FOXP1: variants seen among roughly 807,000 people sequenced by gnomAD.
The protein encoded by FOXP1 is forkhead box P1.
FOXP1 carries 15 observed loss-of-function variants against 98.2 expected under a neutral mutation model. The observed-to-expected ratio is 0.15, with a 90% CI of 0.10 to 0.24. The LOEUF (loss-of-function observed/expected upper bound fraction) is 0.24. Among genes scored for constraint, FOXP1 ranks in the 10% least tolerant of loss-of-function variants. The pLI, the probability that FOXP1 is intolerant of heterozygous loss-of-function variation, is 1.00. For missense variants in FOXP1, 633 were observed against 848.5 expected, an observed-to-expected ratio of 0.75 and a Z score of 3.15; for synonymous variants, 371 against 314.5, an observed-to-expected ratio of 1.18 and a Z score of -1.90.
At chr3:71,268,358 TG>T (rs768875799) in intron 5 of FOXP1, among the ~76,000 whole-genome samples, 1 of 151,978 alleles carries the variant, frequency 6.6e-6, no homozygotes, top group African/African-American at 2.4e-5. Flanking sequence ...TATTCCAAAA[TG>T]CTTGAGAACT....
intron 10 of FOXP1, among the ~76,000 whole-genome samples, chr3:71,043,186 T>C (rs2048580591): frequency 1.3e-5 from 2 of 152,340 alleles, no homozygotes; most frequent in South Asian, 2.1e-4. Flanking sequence ...CTTCAAATGA[T>C]ACATTAAGTG....
chr3:71,313,050 T>C (rs2074805149), intron 4 of FOXP1, among the ~76,000 whole-genome samples: 1 of 145,432 alleles, frequency 6.9e-6, no homozygotes, highest in Non-Finnish European at 1.5e-5. Context: ...ACAATGAAAC[T>C]TTAATTCTTT....
At chr3:71,154,542 C>T (rs993751314) in intron 6 of FOXP1, among the ~76,000 whole-genome samples, 1 of 152,174 alleles carries the variant, frequency 6.6e-6, no homozygotes, top group African/African-American at 2.4e-5. Context: ...TGTTAGTATT[C>T]ATTCACTGTT....
chr3:71,501,300 T>TTC (rs2041334429), intron 2 of FOXP1, among the ~76,000 whole-genome samples: 1 of 149,596 alleles, frequency 6.7e-6, no homozygotes, highest in African/African-American at 2.5e-5. Flanking sequence ...TTTCTTTTTT[T>TTC]TTTTTTTTTT....
At chr3:71,150,149 C>A (rs2060498144) in intron 6 of FOXP1, among the ~76,000 whole-genome samples, 1 of 152,216 alleles carries the variant, frequency 6.6e-6, no homozygotes, top group Admixed American at 6.5e-5. Context: ...TCTCTCCCCA[C>A]CCAATTTCCA....
intron 3 of FOXP1, among the ~76,000 whole-genome samples, chr3:71,390,597 G>A (rs533690109): frequency 1.3e-5 from 2 of 151,384 alleles, no homozygotes; most frequent in Admixed American, 1.3e-4. Flanking sequence ...GGTTGGGGGG[G>A]GCAGTCAAGA....
intron 3 of FOXP1, among the ~76,000 whole-genome samples, chr3:71,484,652 G>C (rs144038772): frequency 1.7e-3 from 259 of 152,252 alleles, no homozygotes; most frequent in Non-Finnish European, 3.2e-3. Context: ...GTTGTGACAT[G>C]GTCGGGGTTA....
intron 5 of FOXP1, among the ~76,000 whole-genome samples, chr3:71,225,507 AT>A (rs2065762931): frequency 7.9e-6 from 1 of 127,220 alleles, no homozygotes; most frequent in South Asian, 2.9e-4. Context: ...GTTTATAATT[AT>A]GACGAGGAAG....
chr3:71,389,224 A>G (rs1011211700), intron 3 of FOXP1, among the ~76,000 whole-genome samples: 7 of 65,400 alleles, frequency 1.1e-4, no homozygotes, highest in Non-Finnish European at 1.4e-4. Context: ...TCCATATGCT[A>G]TATCTGTAAG....
At chr3:71,378,093 GAAACAAAAAA>G (rs2079858975) in intron 3 of FOXP1, among the ~76,000 whole-genome samples, 2 of 18,616 alleles carry the variant, frequency 1.1e-4, no homozygotes, top group Admixed American at 8.6e-4. Context: ...TACAGGCCAA[GAAACAAAAAA>G]AAAAAAAAAA....
chr3:71,402,561 A>G (rs1419170473), intron 3 of FOXP1, among the ~76,000 whole-genome samples: 1 of 152,268 alleles, frequency 6.6e-6, no homozygotes, highest in Non-Finnish European at 1.5e-5. Flanking sequence ...TGAGATCTAT[A>G]CATGTCAACA....
intron 2 of FOXP1, among the ~76,000 whole-genome samples, chr3:71,580,502 A>T (rs996129001): frequency 2.0e-5 from 3 of 152,198 alleles, no homozygotes; most frequent in African/African-American, 7.2e-5. Flanking sequence ...ACTCCAGTGG[A>T]ATTCTAAAAA....
intron 3 of FOXP1, among the ~76,000 whole-genome samples, chr3:71,386,444 G>C (rs575896303): frequency 6.6e-6 from 1 of 152,022 alleles, no homozygotes; most frequent in African/African-American, 2.4e-5. Flanking sequence ...TGTTAACTAC[G>C]CATAATAATA....
intron 2 of FOXP1, among the ~76,000 whole-genome samples, chr3:71,563,704 T>C (rs768659638): frequency 1.2e-4 from 18 of 152,336 alleles, no homozygotes; most frequent in Non-Finnish European, 2.1e-4. Flanking sequence ...TGTAACTCTA[T>C]AAACAGGGTG....
chr3:71,363,964 T>TTC (rs1199564174), intron 3 of FOXP1, among the ~76,000 whole-genome samples: 1 of 152,164 alleles, frequency 6.6e-6, no homozygotes, highest in Non-Finnish European at 1.5e-5. Context: ...CTGGATGGAA[T>TTC]TCGCCTGGGT....
intron 5 of FOXP1, among the ~76,000 whole-genome samples, chr3:71,202,166 A>G (rs924593922): frequency 6.6e-6 from 1 of 152,248 alleles, no homozygotes; most frequent in African/African-American, 2.4e-5. Flanking sequence ...GTCCTCCAGT[A>G]CAAGTTTTGC....
At chr3:71,490,650 A>C (rs2090999579) in intron 3 of FOXP1, among the ~76,000 whole-genome samples, 1 of 152,344 alleles carries the variant, frequency 6.6e-6, no homozygotes, top group Admixed American at 6.5e-5. Context: ...CAAAAATTCT[A>C]GTATTCCACT....
At chr3:70,989,802 T>A (rs1193492023) in intron 13 of FOXP1, among the ~76,000 whole-genome samples, 2 of 152,184 alleles carry the variant, frequency 1.3e-5, no homozygotes, top group Non-Finnish European at 2.9e-5. Flanking sequence ...TGTGACTTAA[T>A]TTGGGGGTAA....
chr3:71,351,627 G>T (rs1485383956), intron 4 of FOXP1, among the ~76,000 whole-genome samples: 2 of 152,112 alleles, frequency 1.3e-5, no homozygotes, highest in African/African-American at 2.4e-5. Flanking sequence ...ATTCACCCTG[G>T]TAAATAAAAA....
Sources: allele counts gnomAD v4.1 joint callset (sites outside exome capture counted in the v4.1 genomes callset), GRCh38; gene constraint gnomAD v4.1.1; transcripts MANE v1.5; gene names NCBI Gene and HGNC (gene_info 2026-07-23, HGNC 2026-07-21).